Variants in EBF1 observed in about 807,000 individuals in gnomAD.
The protein encoded by EBF1 is EBF transcription factor 1.
In EBF1, 10 loss-of-function variants were observed where a neutral mutation model predicts 68.4. That is an observed-to-expected ratio of 0.15 (90% CI 0.09 to 0.25). The LOEUF is 0.25. Among genes scored for constraint, EBF1 ranks in the 10% least tolerant of loss-of-function variants. The probability of loss-of-function intolerance (pLI) is 1.00; values close to 1 mark genes in which losing one functional copy is unlikely to be tolerated. For missense variants in EBF1, 509 were observed against 794.4 expected (o/e 0.64, Z 4.32); for synonymous variants, 298 against 299.8 (o/e 0.99, Z 0.06).
At chr5:158,930,845 T>A (rs1297702197) in intron 6 of EBF1, among the ~76,000 whole-genome samples, 1 of 151,900 alleles carries the variant, frequency 6.6e-6, no homozygotes, top group Non-Finnish European at 1.5e-5. Context: ...TCATACCACC[T>A]CTGCAATTCA....
chr5:158,870,131 A>G (rs1347199780), intron 6 of EBF1, among the ~76,000 whole-genome samples: 5 of 152,180 alleles, frequency 3.3e-5, no homozygotes, highest in Non-Finnish European at 7.3e-5. Context: ...AGAAGTGTGC[A>G]TGCCCTCCAC....
At chr5:158,744,344 GTA>G (rs34006975) in intron 10 of EBF1, among the ~76,000 whole-genome samples, 43,801 of 151,638 alleles carry the variant, frequency 0.29, 6,812 homozygotes, top group African/African-American at 0.39. Flanking sequence ...CGTCAAAAAG[GTA>G]TAGAAAGAAT....
At chr5:158,928,031 T>G (rs1205934847) in intron 6 of EBF1, among the ~76,000 whole-genome samples, 2 of 152,242 alleles carry the variant, frequency 1.3e-5, no homozygotes, top group Non-Finnish European at 2.9e-5. Context: ...TTTAACCATT[T>G]AAACATTTAT....
At chr5:159,050,728 T>C (rs1773433416) in intron 6 of EBF1, among the ~76,000 whole-genome samples, 1 of 152,170 alleles carries the variant, frequency 6.6e-6, no homozygotes, top group African/African-American at 2.4e-5. Flanking sequence ...TCTGGCTGGG[T>C]TCAGCCAGGA....
At chr5:159,002,967 A>C (rs1186965771) in intron 6 of EBF1, among the ~76,000 whole-genome samples, 1 of 152,328 alleles carries the variant, frequency 6.6e-6, no homozygotes. Flanking sequence ...AAAATAATCA[A>C]AACAGATTTT....
At chr5:159,023,874 G>A (rs1240529313) in intron 6 of EBF1, among the ~76,000 whole-genome samples, 1 of 152,190 alleles carries the variant, frequency 6.6e-6, no homozygotes, top group Non-Finnish European at 1.5e-5. Context: ...GGAGTTGGAG[G>A]AAAGGGTGGG....
Position 158,934,002 on chromosome 5 carries a change from C to T in EBF1, c.555-93892G>A, listed in dbSNP as rs1010776686. Among the ~76,000 whole-genome samples, 8 of 152,170 alleles carry T rather than the reference C, an allele frequency of 5.3e-5. No homozygotes were observed. In the East Asian group the frequency reaches 1.3e-3, roughly 26 times the overall value. On this transcript the variant is annotated intron_variant, in intron 6 of 15. Coordinates refer to ENST00000313708, the MANE Select transcript of EBF1 (RefSeq NM_024007.5). ...TTTATTGAATTACACAAAAACGAAACTTGCCCTCATTCAGTATCTATCGTA... is the reference window on the plus strand; with the variant it reads ...TTTATTGAATTACACAAAAACGAAATTTGCCCTCATTCAGTATCTATCGTA...
chr5:158,999,228 A>C (rs1190714276), intron 6 of EBF1, among the ~76,000 whole-genome samples: 1 of 152,236 alleles, frequency 6.6e-6, no homozygotes, highest in Non-Finnish European at 1.5e-5. Context: ...CCAAAAACAG[A>C]AAATGTGACC....
intron 6 of EBF1, among the ~76,000 whole-genome samples, chr5:159,050,907 A>C (rs550878325): frequency 2.6e-5 from 4 of 152,204 alleles, no homozygotes; most frequent in African/African-American, 9.6e-5. Context: ...CCTTTGACAC[A>C]TAATTGGTAG....
chr5:158,902,833 G>T (rs986304060), intron 6 of EBF1, among the ~76,000 whole-genome samples: 1 of 152,044 alleles, frequency 6.6e-6, no homozygotes, highest in African/African-American at 2.4e-5. Flanking sequence ...AAAAGAGCAG[G>T]CAAGGGTTCT....
At chr5:158,819,417 A>G (rs2127836693) in intron 8 of EBF1, among the ~76,000 whole-genome samples, 2 of 152,376 alleles carry the variant, frequency 1.3e-5, no homozygotes, top group South Asian at 4.1e-4. Context: ...TCTGCACCAC[A>G]GTGTTGTGAG....
At chr5:158,887,099 T>C (rs540289628) in intron 6 of EBF1, among the ~76,000 whole-genome samples, 1 of 152,368 alleles carries the variant, frequency 6.6e-6, no homozygotes, top group South Asian at 2.1e-4. Context: ...TCAGTCTTTT[T>C]TGGGCACACC....
At chr5:158,978,835 C>CACACACACACACAGAG (rs753714441) in intron 6 of EBF1, among the ~76,000 whole-genome samples, 5 of 146,934 alleles carry the variant, frequency 3.4e-5, no homozygotes, top group Non-Finnish European at 7.4e-5. Flanking sequence ...CACACACACA[C>CACACACACACACAGAG]AGAGAGAGAG....
intron 6 of EBF1, among the ~76,000 whole-genome samples, chr5:159,031,330 T>A (rs1000498893): frequency 1.3e-5 from 2 of 152,224 alleles, no homozygotes; most frequent in African/African-American, 4.8e-5. Context: ...TTTAACAACA[T>A]GTCCAGAATC....
rs1012121265 is a variant in EBF1 at position 158,787,357 on chromosome 5, C to T, written c.909+8988G>A. On this transcript the variant is annotated intron_variant, in intron 9 of 15. Transcript: ENST00000313708. ...CACTGAGCCTGTATCCAATAGCCTG[C>T]CTCCACACATGATCTTCCTCTAGTT... Among the ~76,000 whole-genome samples, 33 of 152,282 alleles carry T rather than the reference C, an allele frequency of 2.2e-4. 1 individual carries two copies. Among genetic ancestry groups the T allele is most frequent in the African/African-American group, 7.0e-4 (29 of 41,560 alleles).
intron 6 of EBF1, among the ~76,000 whole-genome samples, chr5:158,998,984 T>C (rs995046743): frequency 2.0e-5 from 3 of 152,088 alleles, no homozygotes; most frequent in Non-Finnish European, 2.9e-5. Flanking sequence ...TTCTCTGTCA[T>C]GGAAGCTTCA....
intron 8 of EBF1, among the ~76,000 whole-genome samples, chr5:158,821,103 C>G (rs1784726355): frequency 6.6e-6 from 1 of 152,190 alleles, no homozygotes; most frequent in East Asian, 1.9e-4. Context: ...CTCCACCCAG[C>G]CCACTTCCCT....
At chr5:158,775,179 T>C (rs1226618374) in intron 10 of EBF1, among the ~76,000 whole-genome samples, 1 of 152,066 alleles carries the variant, frequency 6.6e-6, no homozygotes, top group Admixed American at 6.6e-5. Context: ...ATATAGATTT[T>C]CTAAGATGTG....
At chr5:158,814,891 T>G (rs144252508) in intron 8 of EBF1, among the ~76,000 whole-genome samples, 1 of 152,208 alleles carries the variant, frequency 6.6e-6, no homozygotes, top group African/African-American at 2.4e-5. Context: ...ATGGGAAAAA[T>G]TTCCTTCAGG....
Sources: gnomAD v4.1 joint callset for allele counts (sites outside exome capture counted in the v4.1 genomes callset) on GRCh38, gnomAD v4.1.1 for gene constraint, MANE v1.5 for transcripts, NCBI Gene and HGNC (gene_info 2026-07-23, HGNC 2026-07-21) for gene names.